Variants in AGMO observed in about 807,000 individuals in gnomAD.
AGMO encodes the protein glyceryl-ether monooxygenase.
In AGMO, 75 loss-of-function variants were observed where a neutral mutation model predicts 60.2. That is an observed-to-expected ratio of 1.25 (90% confidence interval 1.03 to 1.51). The LOEUF is 1.51. Ranked by LOEUF, AGMO falls within the 40% of genes most tolerant of loss-of-function variation. The pLI, the probability that AGMO is intolerant of heterozygous loss-of-function variation, is 0.00. For synonymous variants in AGMO, 261 were observed against 177.1 expected (o/e 1.47, Z -3.76); for missense variants, 763 against 525.5 (o/e 1.45, Z -4.42).
chr7:15,384,173 G>A (rs1294658947), intron 10 of AGMO, among the ~76,000 whole-genome samples: 1 of 152,054 alleles, frequency 6.6e-6, no homozygotes, highest in Non-Finnish European at 1.5e-5. Context: ...TCCTGACCTC[G>A]TGATCTGCCC....
intron 3 of AGMO, among the ~76,000 whole-genome samples, chr7:15,494,137 T>C (rs570789920): frequency 4.6e-5 from 7 of 152,294 alleles, no homozygotes; most frequent in Non-Finnish European, 8.8e-5. Context: ...CATAGTATAC[T>C]ACACCTAATG....
chr7:15,178,668 T>C, the AGMO span, among the ~76,000 whole-genome samples: 1 of 152,134 alleles, frequency 6.6e-6, no homozygotes, highest in African/African-American at 2.4e-5. Flanking sequence ...GACATTTAGA[T>C]TTTAGGTGGA....
At chr7:15,219,185 C>T (rs1458190755) in intron 12 of AGMO, among the ~76,000 whole-genome samples, 1 of 151,990 alleles carries the variant, frequency 6.6e-6, no homozygotes, top group African/African-American at 2.4e-5. Context: ...CAATAATCAC[C>T]CAGGCCATTT....
chr7:15,258,328 C>G, intron 12 of AGMO, among the ~76,000 whole-genome samples: 1 of 151,536 alleles, frequency 6.6e-6, no homozygotes, highest in Non-Finnish European at 1.5e-5. Flanking sequence ...GTGGTATGTT[C>G]TTTCCTTCTT....
chr7:15,254,068 T>C (rs1394855689), intron 12 of AGMO, among the ~76,000 whole-genome samples: 1 of 152,160 alleles, frequency 6.6e-6, no homozygotes, highest in Non-Finnish European at 1.5e-5. Flanking sequence ...TATAACTGTA[T>C]AGTATTCCAT....
At chr7:15,338,387 TA>T (rs1437324517) in intron 12 of AGMO, among the ~76,000 whole-genome samples, 2 of 152,178 alleles carry the variant, frequency 1.3e-5, no homozygotes, top group African/African-American at 4.8e-5. Context: ...AATTGCATTC[TA>T]ATCAGTCAAA....
chr7:15,344,813 G>A (rs1275211341), intron 12 of AGMO, among the ~76,000 whole-genome samples: 1 of 151,922 alleles, frequency 6.6e-6, no homozygotes, highest in African/African-American at 2.4e-5. Context: ...GTTTTCATCA[G>A]TTGAATATAT....
At position 15,436,827 on chromosome 7, in the gene AGMO, G is replaced by A. The variant is rs967354404; in HGVS notation, c.410-5719C>T. The stretch of plus-strand genomic sequence containing the variant: ...CTGGGACAATCATGGCACATCTTTG[G>A]TAACTTCCATATGTAAAAGGGATTA... On this transcript the variant is annotated intron_variant, in intron 3 of 12. Transcript: ENST00000342526. 2.6e-5 allele frequency among the ~76,000 whole-genome samples: 4 copies of A among 152,168 alleles called. No individual in the cohort carries two copies. In the East Asian group the frequency reaches 7.7e-4, roughly 29 times the overall value.
At chr7:15,158,133 G>C in the AGMO span, among the ~76,000 whole-genome samples, 1 of 152,112 alleles carries the variant, frequency 6.6e-6, no homozygotes, top group African/African-American at 2.4e-5. Context: ...GATTTCAAAA[G>C]AAATTAGTGC....
At chr7:15,349,999 TAATA>T (rs1433547594) in intron 12 of AGMO, among the ~76,000 whole-genome samples, 5 of 152,128 alleles carry the variant, frequency 3.3e-5, no homozygotes, top group African/African-American at 1.2e-4. Context: ...GGTAACTATT[TAATA>T]TTTTTTATAT....
intron 6 of AGMO, among the ~76,000 whole-genome samples, chr7:15,391,107 G>A (rs1784119967): frequency 6.6e-6 from 1 of 151,914 alleles, no homozygotes; most frequent in Non-Finnish European, 1.5e-5. Context: ...ATACTAAAAA[G>A]GGGAAGTGTT....
At chr7:15,282,004 A>G (rs1783980911) in intron 12 of AGMO, among the ~76,000 whole-genome samples, 1 of 152,190 alleles carries the variant, frequency 6.6e-6, no homozygotes, top group African/African-American at 2.4e-5. Context: ...CAAGAGCAGA[A>G]TTAGCTTTCA....
chr7:15,142,087 G>A, the AGMO span, among the ~76,000 whole-genome samples: 1 of 152,170 alleles, frequency 6.6e-6, no homozygotes, highest in Middle Eastern at 3.4e-3. Flanking sequence ...TCAGTATCAA[G>A]GTCGAGATCT....
At chr7:15,364,328 A>G (rs771556500) in intron 12 of AGMO, among the ~76,000 whole-genome samples, 2 of 152,008 alleles carry the variant, frequency 1.3e-5, no homozygotes, top group Non-Finnish European at 2.9e-5. Flanking sequence ...TTATATATTT[A>G]TATACCGATA....
the AGMO span, among the ~76,000 whole-genome samples, chr7:15,170,666 G>C: frequency 6.6e-6 from 1 of 152,038 alleles, no homozygotes; most frequent in Non-Finnish European, 1.5e-5. Context: ...GCAGAGTACA[G>C]TTGTCATAAT....
Position 15,361,546 on chromosome 7 carries a change from A to AAAAAAAAAAAAAAAAG in AGMO, c.1263+3967_1263+3968insCTTTTTTTTTTTTTTT, listed in dbSNP as rs60239009. On this transcript the variant is annotated intron_variant, in intron 12 of 12. Transcript: ENST00000342526. Reference sequence around the variant, plus strand: ...CAGAGCGAGACTGTGTCTCAAAAAAAAAAAAAAAGGTTTTGAGATTTAGAT... The same window carrying AAAAAAAAAAAAAAAAG: ...CAGAGCGAGACTGTGTCTCAAAAAAAAAAAAAAAAAAAAAAGAAAAAAAAGGTTTTGAGATTTAGAT... Among the ~76,000 whole-genome samples the AAAAAAAAAAAAAAAAG allele has an allele frequency of 2.8e-3, 258 of 91,378 alleles. 18 individuals carry two copies. The highest frequency in any genetic ancestry group is 5.6e-3 in the East Asian group (21 of 3,746). The allele number at this position is 91,378 out of a possible 152,430, so 59.9% of individuals were successfully genotyped here.
At chr7:15,162,325 A>T in the AGMO span, among the ~76,000 whole-genome samples, 1 of 152,082 alleles carries the variant, frequency 6.6e-6, no homozygotes, top group Admixed American at 6.6e-5. Flanking sequence ...ACAGTTTACA[A>T]CTCAAGGTAG....
At chr7:15,485,857 T>G (rs1782907804) in intron 3 of AGMO, among the ~76,000 whole-genome samples, 1 of 152,048 alleles carries the variant, frequency 6.6e-6, no homozygotes, top group African/African-American at 2.4e-5. Context: ...AGACCTTCAT[T>G]TCAAATTGAC....
chr7:15,343,005 G>C (rs539678263), intron 12 of AGMO, among the ~76,000 whole-genome samples: 2 of 152,014 alleles, frequency 1.3e-5, no homozygotes, highest in South Asian at 2.1e-4. Flanking sequence ...TCCCTTTTAT[G>C]AATGTTTTTT....
Sources: allele counts gnomAD v4.1 joint callset (sites outside exome capture counted in the v4.1 genomes callset), GRCh38; gene constraint gnomAD v4.1.1; transcripts MANE v1.5; gene names NCBI Gene and HGNC (gene_info 2026-07-23, HGNC 2026-07-21).